ACP7: variants seen among roughly 807,000 people sequenced by gnomAD.
ACP7 encodes the protein acid phosphatase 7, tartrate resistant (putative), also known as acid phosphatase type 7.
Under a neutral mutation model 60.6 loss-of-function variants are expected in ACP7, and 58 were observed. The observed-to-expected ratio is 0.96, with a 90% CI of 0.77 to 1.19. The LOEUF is 1.19. Ranked by LOEUF, ACP7 falls within the 50% of genes most tolerant of loss-of-function variation. ACP7 has a pLI of 0.00. For synonymous variants in ACP7, 237 were observed against 232.6 expected (o/e 1.02, Z -0.17); for missense variants, 574 against 596.2 (o/e 0.96, Z 0.39).
At chr19:39,093,138 TCAC>T (rs2073224170) in intron 2 of ACP7, among the ~76,000 whole-genome samples, 1 of 53,866 alleles carries the variant, frequency 1.9e-5, no homozygotes. Flanking sequence ...CCTTCTTCCC[TCAC>T]TCCTTTCTTT....
intron 2 of ACP7, among the ~76,000 whole-genome samples, chr19:39,097,359 C>T (rs774916): frequency 0.19 from 28,674 of 148,450 alleles, 2,804 homozygotes; most frequent in East Asian, 0.29. Flanking sequence ...GCCGAGAATG[C>T]GCCATTGCAC....
intron 2 of ACP7, among the ~76,000 whole-genome samples, chr19:39,095,933 A>G (rs375306488): frequency 3.3e-5 from 5 of 152,220 alleles, no homozygotes; most frequent in African/African-American, 1.2e-4. Context: ...TTACAGCCAC[A>G]GCTGGAGCAG....
intron 2 of ACP7, among the ~76,000 whole-genome samples, chr19:39,086,447 T>G (rs1412047797): frequency 2.0e-5 from 3 of 151,840 alleles, no homozygotes; most frequent in African/African-American, 7.3e-5. Context: ...CTGGGTAACA[T>G]GGGTGAAACC....
chr19:39,094,865 C>T (rs1406234364), intron 2 of ACP7, among the ~76,000 whole-genome samples: 3 of 152,060 alleles, frequency 2.0e-5, no homozygotes, highest in Non-Finnish European at 2.9e-5. Context: ...GCCTGAGAAT[C>T]ATGACAGGAG....
chr19:39,100,538 T>TTCAG, intron 5 of ACP7, 42 bp from the exon 6 acceptor site: 1 of 1,609,298 alleles, frequency 6.2e-7, no homozygotes. Context: ...GGCTATGAAA[T>TTCAG]TCAGTCCTTC....
At chr19:39,091,895 G>C (rs2073208241) in intron 2 of ACP7, among the ~76,000 whole-genome samples, 1 of 150,916 alleles carries the variant, frequency 6.6e-6, no homozygotes, top group Admixed American at 6.6e-5. Context: ...CTGGGTAACA[G>C]AGCAAGACAA....
intron 2 of ACP7, 144 bp downstream of exon 2, chr19:39,085,534 T>C (rs2073131829): frequency 2.6e-6 from 3 of 1,171,826 alleles, no homozygotes; most frequent in African/African-American, 3.2e-5. Context: ...CTCTGTGGAA[T>C]AGGAAGTACA....
chr19:39,089,114 G>T (rs1441439058), intron 2 of ACP7, among the ~76,000 whole-genome samples: 1 of 151,766 alleles, frequency 6.6e-6, no homozygotes, highest in East Asian at 1.9e-4. Flanking sequence ...ATTTTAGTAG[G>T]GACGGGGTTT....
At chr19:39,086,675 A>C (rs1050185478) in intron 2 of ACP7, among the ~76,000 whole-genome samples, 1 of 150,952 alleles carries the variant, frequency 6.6e-6, no homozygotes, top group African/African-American at 2.4e-5. Context: ...GGAGCTTGGC[A>C]TGTAGCAGCA....
intron 2 of ACP7, among the ~76,000 whole-genome samples, chr19:39,088,726 GGTTTGTTTGTTTGTTTGTTT>G (rs72337815): frequency 6.7e-6 from 1 of 149,928 alleles, no homozygotes; most frequent in African/African-American, 2.5e-5. Context: ...GATCTTTGTG[GGTTTGTTTGTTTGTTTGTTT>G]GTTTGTTTGT....
rs373651885 is a variant in ACP7 at position 39,098,591 on chromosome 19, C to T, written c.255C>T (p.Gly85=). The change falls in exon 3 of 13, where the codon GGC becomes GGT. Residue 85 remains glycine, a synonymous_variant. Coordinates refer to ENST00000331256, the MANE Select transcript of ACP7 (RefSeq NM_001004318.3). Reference sequence around the variant, plus strand: ...CCTTCGTCCCCTTTGTGGACGGGGGCATTCTCCGGCGGAAGCTCTACATAC... The same window carrying T: ...CCTTCGTCCCCTTTGTGGACGGGGGTATTCTCCGGCGGAAGCTCTACATAC... ...QGTFVPFVDG[G]ILRRKLYIHR... is the part of the protein sequence containing the mutation. 14 of 1,613,580 alleles carry T rather than the reference C, an allele frequency of 8.7e-6. No individual in the cohort carries two copies. Among genetic ancestry groups the T allele is most frequent in the African/African-American group, 1.3e-5 (1 of 74,936 alleles).
chr19:39,102,791 CTCTT>C (rs149503010), intron 11 of ACP7, among the ~76,000 whole-genome samples: 44,652 of 120,962 alleles, frequency 0.37, 7,985 homozygotes, highest in Middle Eastern at 0.5. Context: ...TTCTCTCTCT[CTCTT>C]TCTTTCTTTC....
At position 39,110,613 on chromosome 19, in the gene ACP7, C is replaced by G. The variant is rs926165190; in HGVS notation, c.*495C>G. 1.3e-5 allele frequency: 2 copies of G among 156,668 alleles called. No individual in the cohort carries two copies. The highest frequency in any genetic ancestry group is 4.8e-5 in the African/African-American group (2 of 41,466). 9.7% of individuals were successfully genotyped at this position (156,668 alleles called of 1,614,324 possible). A position where few individuals can be genotyped will look rare whatever the true frequency, so the allele number is the denominator to read the frequency against. On this transcript the variant is annotated 3_prime_UTR_variant, in exon 13 of 13. Coordinates refer to ENST00000331256, the MANE Select transcript of ACP7 (RefSeq NM_001004318.3). Reference sequence around the variant, plus strand: ...CCCGGCACTGAGAGTTGGTCTGAAGCCTGGCTCCTTCTTCACTGCTCCAGG... The same window carrying G: ...CCCGGCACTGAGAGTTGGTCTGAAGGCTGGCTCCTTCTTCACTGCTCCAGG...
chr19:39,108,455 C>G (rs1427934686), intron 12 of ACP7, among the ~76,000 whole-genome samples: 1 of 151,958 alleles, frequency 6.6e-6, no homozygotes, highest in African/African-American at 2.4e-5. Context: ...TATCTAACTT[C>G]TTTGCCTCAG....
intron 2 of ACP7, among the ~76,000 whole-genome samples, chr19:39,087,249 C>T (rs1024940025): frequency 2.2e-4 from 34 of 152,116 alleles, no homozygotes; most frequent in Non-Finnish European, 3.7e-4. Flanking sequence ...TAAGCTCAAG[C>T]GATCCTCCAG....
intron 2 of ACP7, among the ~76,000 whole-genome samples, chr19:39,098,145 G>GGAGGCT (rs1477203200): frequency 2.6e-5 from 4 of 151,400 alleles, no homozygotes; most frequent in African/African-American, 9.7e-5. Flanking sequence ...CAGCTACTCG[G>GGAGGCT]GAGGCTGAGG....
intron 5 of ACP7, 31 bp downstream of exon 5, chr19:39,100,381 G>A: frequency 1.2e-6 from 2 of 1,611,506 alleles, no homozygotes; most frequent in Non-Finnish European, 1.7e-6. Flanking sequence ...CGGTGGGCGA[G>A]GGCTGGATCA....
rs772558685 is a variant in ACP7, at chr19:39,100,990, T to C, written c.849T>C (p.Thr283=). The C allele has an allele frequency of 6.3e-7, 1 of 1,590,834 alleles. No homozygotes were observed. Among genetic ancestry groups the C allele is most frequent in the East Asian group, 2.3e-5 (1 of 43,320 alleles). The change falls in exon 8 of 13, where the codon ACT becomes ACC. Residue 283 remains threonine, a synonymous_variant. Coordinates refer to ENST00000331256, the MANE Select transcript of ACP7 (RefSeq NM_001004318.3). Reference sequence around the variant, plus strand: ...GGGCAGCCCGGCCGTGGATCATCACTATGGGGCACCGGCCCATGTACTGCT... The same window carrying C: ...GGGCAGCCCGGCCGTGGATCATCACCATGGGGCACCGGCCCATGTACTGCT... ...KNRAARPWII[T]MGHRPMYCSN...
chr19:39,103,441 G>GTGTTTTTTTTTTTTTTT (rs1230916229), intron 11 of ACP7, among the ~76,000 whole-genome samples: 2 of 64,690 alleles, frequency 3.1e-5, no homozygotes, highest in African/African-American at 6.7e-5. Flanking sequence ...ATCATCATGT[G>GTGTTTTTTTTTTTTTTT]TTTTTTTTTT....
Sources: allele counts gnomAD v4.1 joint callset (sites outside exome capture counted in the v4.1 genomes callset), GRCh38; gene constraint gnomAD v4.1.1; transcripts MANE v1.5; gene names NCBI Gene and HGNC (gene_info 2026-07-23, HGNC 2026-07-21).